SYNPR: variants seen among roughly 807,000 people sequenced by gnomAD.
SYNPR encodes the protein synaptoporin.
SYNPR carries 23 observed loss-of-function variants against 32.9 expected under a neutral mutation model. That is an observed-to-expected ratio of 0.70 (90% CI 0.50 to 0.99). The LOEUF (loss-of-function observed/expected upper bound fraction) is 0.99. Ranked by LOEUF, SYNPR falls within the 50% of genes least tolerant of loss-of-function variation. The probability of loss-of-function intolerance (pLI) is 0.00; values close to 1 mark genes in which losing one functional copy is unlikely to be tolerated. For synonymous variants in SYNPR, 146 were observed against 135.9 expected, an observed-to-expected ratio of 1.07 and a Z score of -0.52; for missense variants, 318 against 349.3, an observed-to-expected ratio of 0.91 and a Z score of 0.71.
intron 2 of SYNPR, among the ~76,000 whole-genome samples, chr3:63,435,708 T>G (rs996141573): frequency 7.2e-5 from 11 of 152,232 alleles, no homozygotes; most frequent in African/African-American, 2.7e-4. Context: ...TAAGCTGAGA[T>G]GATTTGGTTA....
chr3:63,275,348 G>A (rs1242531024), upstream of SYNPR, among the ~76,000 whole-genome samples: 2 of 152,178 alleles, frequency 1.3e-5, no homozygotes, highest in African/African-American at 2.4e-5. Flanking sequence ...GGTTATTTTG[G>A]TGATGCAGCT....
intron 2 of SYNPR, among the ~76,000 whole-genome samples, chr3:63,381,381 C>G (rs1362683607): frequency 6.6e-6 from 1 of 152,154 alleles, no homozygotes; most frequent in African/African-American, 2.4e-5. Flanking sequence ...GAACTACAAA[C>G]CACTGCTCAA....
intron 2 of SYNPR, among the ~76,000 whole-genome samples, chr3:63,255,574 T>A (rs950421111): frequency 1.3e-5 from 2 of 152,218 alleles, no homozygotes; most frequent in Non-Finnish European, 2.9e-5. Context: ...TATCATTCAT[T>A]CCATCAGTGG....
intron 2 of SYNPR, among the ~76,000 whole-genome samples, chr3:63,389,537 C>T (rs892025724): frequency 1.2e-4 from 19 of 152,142 alleles, no homozygotes; most frequent in Middle Eastern, 3.2e-3. Context: ...GTCTTATGCC[C>T]ATCCCTGAAC....
rs373659337 is a variant in SYNPR, at chr3:63,262,418, G to C, written n.155-4899G>C. On this transcript the variant is annotated intron_variant and non_coding_transcript_variant, in intron 2 of 4. Coordinates refer to the SYNPR transcript ENST00000478456. Reference sequence around the variant, plus strand: ...TGGTAGGGAGAGAAACCATGAGGAAGTTATCTAGTGGCTTCTTCCTTTGTC... The same window carrying C: ...TGGTAGGGAGAGAAACCATGAGGAACTTATCTAGTGGCTTCTTCCTTTGTC... 7.9e-5 allele frequency among the ~76,000 whole-genome samples: 12 copies of C among 152,168 alleles called. No individual in the cohort carries two copies. In the East Asian group the frequency reaches 1.5e-3, roughly 20 times the overall value.
chr3:63,206,817 C>A, the SYNPR span, among the ~76,000 whole-genome samples: 9 of 152,112 alleles, frequency 5.9e-5, no homozygotes, highest in African/African-American at 1.9e-4. Context: ...GAAGTAGACA[C>A]CTGAGCTGGG....
At chr3:63,521,179 G>T (rs560151293) in intron 3 of SYNPR, among the ~76,000 whole-genome samples, 4 of 152,114 alleles carry the variant, frequency 2.6e-5, no homozygotes, top group Non-Finnish European at 5.9e-5. Context: ...GTGGGTTTAG[G>T]TGCCACCTCT....
intron 4 of SYNPR, among the ~76,000 whole-genome samples, chr3:63,605,691 A>C (rs995602295): frequency 1.3e-5 from 2 of 152,210 alleles, no homozygotes; most frequent in African/African-American, 4.8e-5. Context: ...TTAACATAGG[A>C]TGCTATTTAT....
At chr3:63,425,517 A>G (rs540606113) in intron 2 of SYNPR, among the ~76,000 whole-genome samples, 5 of 152,272 alleles carry the variant, frequency 3.3e-5, no homozygotes, top group African/African-American at 1.2e-4. Flanking sequence ...CTCTTCTCCA[A>G]TAACAATATT....
chr3:63,313,959 C>CA (rs2087009285), intron 2 of SYNPR, among the ~76,000 whole-genome samples: 1 of 3,686 alleles, frequency 2.7e-4, no homozygotes, highest in African/African-American at 1.1e-3. Context: ...ATATATATAT[C>CA]CATATATATA....
intron 2 of SYNPR, among the ~76,000 whole-genome samples, chr3:63,336,463 T>A (rs2106993065): frequency 7.9e-6 from 1 of 126,928 alleles, no homozygotes; most frequent in South Asian, 2.5e-4. Flanking sequence ...TGCAATCCAA[T>A]GGAGAAAAGA....
intron 2 of SYNPR, among the ~76,000 whole-genome samples, chr3:63,373,080 T>C (rs971263968): frequency 6.6e-6 from 1 of 152,040 alleles, no homozygotes; most frequent in African/African-American, 2.4e-5. Context: ...GTCTACTGGC[T>C]ACTCAAATTA....
intron 3 of SYNPR, among the ~76,000 whole-genome samples, chr3:63,520,685 A>G (rs1190324061): frequency 9.9e-5 from 15 of 151,646 alleles, no homozygotes; most frequent in East Asian, 2.0e-4. Flanking sequence ...AAAAAAAAAA[A>G]ATCAGAGTGA....
chr3:63,524,072 C>T (rs1236955449), intron 3 of SYNPR, among the ~76,000 whole-genome samples: 1 of 138,956 alleles, frequency 7.2e-6, no homozygotes, highest in Non-Finnish European at 1.6e-5. Flanking sequence ...CTGATATTTA[C>T]CTCATTTCTG....
chr3:63,243,667 T>A (rs2086264145), intron 1 of SYNPR, among the ~76,000 whole-genome samples: 2 of 151,886 alleles, frequency 1.3e-5, no homozygotes, highest in African/African-American at 4.8e-5. Context: ...ATTTAAAGAG[T>A]TTTAAATAAT....
chr3:63,422,064 G>A (rs1699810075), intron 2 of SYNPR, among the ~76,000 whole-genome samples: 1 of 152,146 alleles, frequency 6.6e-6, no homozygotes, highest in Non-Finnish European at 1.5e-5. Context: ...ACATAATGTA[G>A]GCTAATCAGT....
chr3:63,539,948 C>G (rs1421134222), intron 3 of SYNPR, among the ~76,000 whole-genome samples: 1 of 152,144 alleles, frequency 6.6e-6, no homozygotes, highest in Non-Finnish European at 1.5e-5. Context: ...TCCCACACTT[C>G]CAGCTGTGCC....
intron 2 of SYNPR, among the ~76,000 whole-genome samples, chr3:63,378,656 A>G (rs1230601765): frequency 6.6e-6 from 1 of 151,978 alleles, no homozygotes; most frequent in Non-Finnish European, 1.5e-5. Flanking sequence ...TCCACATAAA[A>G]TCTTGCTGGA....
At chr3:63,602,708 T>G (rs1336614977) in intron 4 of SYNPR, among the ~76,000 whole-genome samples, 2 of 152,196 alleles carry the variant, frequency 1.3e-5, no homozygotes, top group Non-Finnish European at 2.9e-5. Context: ...GGTTTATGTG[T>G]CTGTTTTTAT....
Sources: allele counts gnomAD v4.1 joint callset (sites outside exome capture counted in the v4.1 genomes callset), GRCh38; gene constraint gnomAD v4.1.1; transcripts MANE v1.5; gene names NCBI Gene and HGNC (gene_info 2026-07-23, HGNC 2026-07-21).